The following TRNAU1AP variants were observed in gnomAD, a reference collection of about 807,000 sequenced individuals.
TRNAU1AP encodes tRNA selenocysteine 1 associated protein 1.
A neutral mutation model predicts 43.3 loss-of-function variants in TRNAU1AP; 33 were observed. The observed-to-expected ratio is 0.76, with a 90% CI of 0.58 to 1.02. TRNAU1AP has a LOEUF of 1.02. TRNAU1AP is among the 50% of genes least tolerant of loss of function. TRNAU1AP has a pLI of 0.00. For synonymous variants in TRNAU1AP, 143 were observed against 129.1 expected (o/e 1.11, Z -0.73); for missense variants, 290 against 362.7 (o/e 0.80, Z 1.63).
At chr1:28,557,188 G>T (rs1448428418) in intron 2 of TRNAU1AP, among the ~76,000 whole-genome samples, 1 of 151,544 alleles carries the variant, frequency 6.6e-6, no homozygotes, top group Non-Finnish European at 1.5e-5. Flanking sequence ...GGGAGGCCGA[G>T]GCAGGCGGAT....
intron 8 of TRNAU1AP, among the ~76,000 whole-genome samples, chr1:28,575,727 A>G (rs1557439200): frequency 7.2e-6 from 1 of 139,248 alleles, no homozygotes; most frequent in African/African-American, 2.7e-5. Flanking sequence ...TTCTATTTCT[A>G]TTTTTCTAAC....
chr1:28,557,469 C>CTTTTTTT (rs753718490), intron 2 of TRNAU1AP, among the ~76,000 whole-genome samples: 12 of 118,138 alleles, frequency 1.0e-4, no homozygotes, highest in Middle Eastern at 4.2e-3. Flanking sequence ...TTACATGTTT[C>CTTTTTTT]TTTTTTTTTT....
chr1:28,571,304 A>AC lies in TRNAU1AP; in HGVS notation c.664dup (p.Gln222ProfsTer13). The AC allele has an allele frequency of 6.2e-7, 1 of 1,613,880 alleles. No homozygotes were observed. The highest frequency in any genetic ancestry group is 8.5e-7 in the Non-Finnish European group (1 of 1,179,896). ...AACACAGGCAGCTACAGCTACAGTTACCCCCAGTATGGCTATACCCAGAGC... is the reference window on the plus strand; with the variant it reads ...AACACAGGCAGCTACAGCTACAGTTACCCCCCAGTATGGCTATACCCAGAGC... On this transcript the variant is annotated frameshift_variant, in exon 7 of 9. Transcript: ENST00000373830. LOFTEE classifies it high-confidence loss of function.
At chr1:28,561,435 T>C (rs1665402162) in intron 4 of TRNAU1AP, 37 bp downstream of exon 4, 1 of 1,612,090 alleles carries the variant, frequency 6.2e-7, no homozygotes, top group South Asian at 1.1e-5. Context: ...ACATAAGATG[T>C]GTCACTGTGC....
At chr1:28,576,348 T>A (rs1274458421) in intron 8 of TRNAU1AP, among the ~76,000 whole-genome samples, 2 of 150,574 alleles carry the variant, frequency 1.3e-5, no homozygotes, top group Non-Finnish European at 3.0e-5. Flanking sequence ...AGATGGCATC[T>A]TGCTCTGTTG....
chr1:28,557,528 A>G (rs1243689744), intron 2 of TRNAU1AP, among the ~76,000 whole-genome samples: 1 of 114,672 alleles, frequency 8.7e-6, no homozygotes, highest in Non-Finnish European at 1.8e-5. Context: ...CCCAGACTAT[A>G]TTACATATTA....
At chr1:28,556,436 C>A (rs1054781284) in intron 2 of TRNAU1AP, among the ~76,000 whole-genome samples, 3 of 151,534 alleles carry the variant, frequency 2.0e-5, no homozygotes, top group Non-Finnish European at 4.4e-5. Flanking sequence ...TGTGCTCCAG[C>A]CTGGGTGACA....
chr1:28,553,361 T>A, intron 1 of TRNAU1AP: 1 of 627,194 alleles, frequency 1.6e-6, no homozygotes, highest in Non-Finnish European at 2.8e-6. Flanking sequence ...GAGGGAAAGG[T>A]GGTGCTTTGG....
chr1:28,570,625 T>C (rs1225215521), intron 6 of TRNAU1AP, among the ~76,000 whole-genome samples: 1 of 151,892 alleles, frequency 6.6e-6, no homozygotes, highest in Non-Finnish European at 1.5e-5. Flanking sequence ...GAGACAAACC[T>C]ATCCATTAAA....
At chr1:28,576,698 C>G (rs1665791727) in intron 8 of TRNAU1AP, among the ~76,000 whole-genome samples, 1 of 152,144 alleles carries the variant, frequency 6.6e-6, no homozygotes, top group Admixed American at 6.6e-5. Context: ...CTCCTGGGTT[C>G]AAGCAATTCT....
chr1:28,562,817 G>A (rs1179501204), intron 4 of TRNAU1AP, among the ~76,000 whole-genome samples: 3 of 151,516 alleles, frequency 2.0e-5, no homozygotes, highest in East Asian at 1.9e-4. Context: ...TCCTGACCTC[G>A]TGATCTGCCC....
At chr1:28,572,438 C>A (rs896374220) in intron 8 of TRNAU1AP, among the ~76,000 whole-genome samples, 1 of 151,390 alleles carries the variant, frequency 6.6e-6, no homozygotes, top group Non-Finnish European at 1.5e-5. Flanking sequence ...TTAGGTGATC[C>A]GCCCGCCTCA....
chr1:28,564,094 G>T (rs758611851), intron 4 of TRNAU1AP, among the ~76,000 whole-genome samples: 4 of 152,030 alleles, frequency 2.6e-5, no homozygotes, highest in Non-Finnish European at 4.4e-5. Flanking sequence ...GCGAAACCCC[G>T]TCTCTGCTAA....
At chr1:28,558,395 T>C (rs1665325680) in intron 2 of TRNAU1AP, among the ~76,000 whole-genome samples, 1 of 150,856 alleles carries the variant, frequency 6.6e-6, no homozygotes, top group African/African-American at 2.4e-5. Flanking sequence ...TCGTATATTT[T>C]TTTTTTGTTT....
At chr1:28,572,427 C>T (rs1451846920) in intron 8 of TRNAU1AP, among the ~76,000 whole-genome samples, 1 of 151,184 alleles carries the variant, frequency 6.6e-6, no homozygotes, top group Non-Finnish European at 1.5e-5. Flanking sequence ...AACTCTCAGC[C>T]TTAGGTGATC....
rs762874282 is a variant in TRNAU1AP at position 28,553,121 on chromosome 1, G to C, written c.11G>C (p.Ser4Thr). The stretch of plus-strand genomic sequence containing the variant: ...CCCCGGTGCGCGGGTATGGCGGCCA[G>C]CCTGTGGATGGGCGACGTGAGTGAG... Reference protein sequence around the residue: MAASLWMGDLEPYM... With the variant: MAATLWMGDLEPYM... Residue 4 changes from serine (S) to threonine (T), a missense_variant, in exon 1 of 9, where the codon AGC (serine) becomes ACC (threonine). Transcript: ENST00000373830. 5 of 1,522,346 alleles carry C rather than the reference G, an allele frequency of 3.3e-6. No homozygotes were observed. Among genetic ancestry groups the C allele is most frequent in the Non-Finnish European group, 4.4e-6 (5 of 1,132,452 alleles). 94.3% of individuals were successfully genotyped at this position (1,522,346 alleles called of 1,614,324 possible).
At chr1:28,559,104 T>C (rs9426309) in intron 2 of TRNAU1AP, among the ~76,000 whole-genome samples, 53,488 of 151,246 alleles carry the variant, frequency 0.35, 10,222 homozygotes, top group African/African-American at 0.48. Flanking sequence ...CAGAGTCTTG[T>C]TCTGTCGCCC....
intron 8 of TRNAU1AP, 41 bp from the exon 9 acceptor site, chr1:28,577,459 G>A: frequency 6.2e-7 from 1 of 1,606,858 alleles, no homozygotes; most frequent in Non-Finnish European, 8.5e-7. Flanking sequence ...CCTTGCAGCT[G>A]TCCCTAGACT....
intron 5 of TRNAU1AP, 39 bp from the exon 6 acceptor site, chr1:28,567,255 T>C: frequency 6.2e-7 from 1 of 1,606,562 alleles, no homozygotes; most frequent in Non-Finnish European, 8.5e-7. Context: ...TAGACTTTAA[T>C]CACATTTGTG....
Sources: gnomAD v4.1 joint callset for allele counts (sites outside exome capture counted in the v4.1 genomes callset) on GRCh38, gnomAD v4.1.1 for gene constraint, MANE v1.5 for transcripts, NCBI Gene and HGNC (gene_info 2026-07-23, HGNC 2026-07-21) for gene names.